Variants in SNTB2 observed in about 807,000 individuals in gnomAD.
SNTB2 encodes the protein syntrophin beta 2.
SNTB2 carries 34 observed loss-of-function variants against 46.2 expected under a neutral mutation model. The observed-to-expected ratio is 0.74, with a 90% CI of 0.56 to 0.98. SNTB2 has a LOEUF of 0.98. Among genes scored for constraint, SNTB2 ranks in the 50% least tolerant of loss-of-function variants. The probability of loss-of-function intolerance (pLI) is 0.00; values close to 1 mark genes in which losing one functional copy is unlikely to be tolerated. For missense variants in SNTB2, 603 were observed against 731.4 expected (o/e 0.82, Z 2.02); for synonymous variants, 290 against 312.6 (o/e 0.93, Z 0.76).
chr16:69,207,997 T>A (rs1229462219), intron 1 of SNTB2, among the ~76,000 whole-genome samples: 1 of 142,330 alleles, frequency 7.0e-6, no homozygotes, highest in African/African-American at 2.5e-5. Context: ...TAATCCCAGC[T>A]ACTTGGGAGG....
At chr16:69,202,277 C>CTCTTTTTTGAGATAGGGTTTCACT (rs1964170061) in intron 1 of SNTB2, among the ~76,000 whole-genome samples, 1 of 152,160 alleles carries the variant, frequency 6.6e-6, no homozygotes, top group African/African-American at 2.4e-5. Flanking sequence ...AGGAGTAACT[C>CTCTTTTTTGAGATAGGGTTTCACT]CTCACATGTC....
chr16:69,292,776 C>T (rs1227203281), intron 5 of SNTB2, among the ~76,000 whole-genome samples: 1 of 151,874 alleles, frequency 6.6e-6, no homozygotes, highest in South Asian at 2.1e-4. Flanking sequence ...CTTATAACAT[C>T]AATTTTTTGA....
intron 3 of SNTB2, among the ~76,000 whole-genome samples, chr16:69,263,848 T>G (rs1350659748): frequency 9.2e-5 from 14 of 152,222 alleles, no homozygotes; most frequent in Admixed American, 8.5e-4. Flanking sequence ...ATTTTAGTGA[T>G]ATATACAAAA....
At chr16:69,296,232 A>G (rs1422970806) in intron 5 of SNTB2, among the ~76,000 whole-genome samples, 1 of 151,896 alleles carries the variant, frequency 6.6e-6, no homozygotes, top group Non-Finnish European at 1.5e-5. Context: ...GTGAGCTAAG[A>G]TCACGCCATT....
At chr16:69,220,197 C>T (rs1230511352) in intron 1 of SNTB2, among the ~76,000 whole-genome samples, 11 of 108,456 alleles carry the variant, frequency 1.0e-4, no homozygotes, top group Non-Finnish European at 1.7e-4. Context: ...GAGTCTTACT[C>T]GTTGCCCAGG....
Position 69,303,850 on chromosome 16 carries a change from T to A in SNTB2, c.*2926T>A, listed in dbSNP as rs775754104. On this transcript the variant is annotated 3_prime_UTR_variant, in exon 7 of 7. Transcript: ENST00000336278. The stretch of plus-strand genomic sequence containing the variant: ...ATGGGAATTTTCGATATTCTACCTT[T>A]TTTATAGAACCAGCTCACTTTTCAT... 2.6e-5 allele frequency: 4 copies of A among 152,622 alleles called. No individual in the cohort carries two copies. Among genetic ancestry groups the A allele is most frequent in the Non-Finnish European group, 4.4e-5 (3 of 68,042 alleles). 9.5% of individuals were successfully genotyped at this position (152,622 alleles called of 1,614,324 possible).
At chr16:69,279,864 A>T (rs34166521) in intron 4 of SNTB2, among the ~76,000 whole-genome samples, 78,050 of 141,562 alleles carry the variant, frequency 0.55, 21,200 homozygotes, top group East Asian at 0.64. Flanking sequence ...TTAATTAATT[A>T]ATTAATTTAT....
At chr16:69,248,957 A>G (rs1466097126) in intron 2 of SNTB2, among the ~76,000 whole-genome samples, 2 of 151,356 alleles carry the variant, frequency 1.3e-5, no homozygotes, top group African/African-American at 2.4e-5. Context: ...AATTGCAACT[A>G]CATTTGTCAA....
At chr16:69,248,873 T>C (rs905585128) in intron 2 of SNTB2, among the ~76,000 whole-genome samples, 7 of 150,580 alleles carry the variant, frequency 4.6e-5, no homozygotes, top group African/African-American at 1.7e-4. Context: ...CATGGGCTTT[T>C]TTTTTTTTTT....
At chr16:69,193,702 A>T (rs1389127080) in intron 1 of SNTB2, among the ~76,000 whole-genome samples, 1 of 152,226 alleles carries the variant, frequency 6.6e-6, no homozygotes, top group Admixed American at 6.5e-5. Flanking sequence ...CACATGCCTT[A>T]TTCAAGGCTC....
intron 4 of SNTB2, among the ~76,000 whole-genome samples, chr16:69,278,889 AGTGTGTGTGTGTGTGTGTGTGTGTGTGT>A (rs71148981): frequency 1.4e-5 from 2 of 141,004 alleles, no homozygotes; most frequent in East Asian, 4.2e-4. Context: ...AGGTGGGAAG[AGTGTGTGTGTGTGTGTGTGTGTGTGTGT>A]GTGTGTGTGT....
At chr16:69,198,591 G>C (rs528218815) in intron 1 of SNTB2, among the ~76,000 whole-genome samples, 16 of 152,116 alleles carry the variant, frequency 1.1e-4, no homozygotes, top group Admixed American at 2.6e-4. Context: ...CTTCTTCTGT[G>C]CTTGGGTCTG....
intron 1 of SNTB2, among the ~76,000 whole-genome samples, chr16:69,214,476 G>C (rs1964326691): frequency 2.0e-5 from 3 of 151,646 alleles, no homozygotes. Context: ...GTAGTGTGTT[G>C]TGGCTTCAAC....
At chr16:69,291,343 G>A (rs1015724080) in intron 5 of SNTB2, among the ~76,000 whole-genome samples, 1 of 152,168 alleles carries the variant, frequency 6.6e-6, no homozygotes, top group African/African-American at 2.4e-5. Context: ...AACAGGACCT[G>A]TAGCATAGAA....
intron 1 of SNTB2, among the ~76,000 whole-genome samples, chr16:69,225,349 G>A (rs556801719): frequency 3.1e-4 from 47 of 152,256 alleles, no homozygotes; most frequent in Middle Eastern, 3.4e-3. Context: ...CAAAGCATCC[G>A]GTTTATCCAG....
At chr16:69,260,623 G>C (rs1167592445) in intron 3 of SNTB2, among the ~76,000 whole-genome samples, 1 of 152,196 alleles carries the variant, frequency 6.6e-6, no homozygotes, top group Non-Finnish European at 1.5e-5. Context: ...TGACTCTTCT[G>C]TTGTAGCAAG....
At chr16:69,276,400 C>A (rs1964985648) in intron 4 of SNTB2, among the ~76,000 whole-genome samples, 1 of 152,212 alleles carries the variant, frequency 6.6e-6, no homozygotes, top group Non-Finnish European at 1.5e-5. Context: ...AATTAGATTC[C>A]CTTTGCCAAA....
chr16:69,214,785 C>T (rs1054351909), intron 1 of SNTB2, among the ~76,000 whole-genome samples: 1 of 150,996 alleles, frequency 6.6e-6, no homozygotes, highest in South Asian at 2.1e-4. Context: ...TCTCAGCCTC[C>T]CACAGTGCTG....
intron 1 of SNTB2, among the ~76,000 whole-genome samples, chr16:69,224,210 A>ATTTTTT (rs34419738): frequency 1.6e-5 from 2 of 127,776 alleles, no homozygotes; most frequent in African/African-American, 3.0e-5. Context: ...TTCCTTTGCA[A>ATTTTTT]TTTTTTTTTT....
Sources: gnomAD v4.1 joint callset for allele counts (sites outside exome capture counted in the v4.1 genomes callset) on GRCh38, gnomAD v4.1.1 for gene constraint, MANE v1.5 for transcripts, NCBI Gene and HGNC (gene_info 2026-07-23, HGNC 2026-07-21) for gene names.